EML5: variants seen among roughly 807,000 people sequenced by gnomAD.
EML5 encodes echinoderm microtubule-associated protein-like 5.
Under a neutral mutation model 250.0 loss-of-function variants are expected in EML5, and 120 were observed. The observed-to-expected ratio is 0.48, with a 90% CI of 0.41 to 0.56. EML5 has a LOEUF of 0.56. Among genes scored for constraint, EML5 ranks in the 20% least tolerant of loss-of-function variants. The pLI is 0.00. For synonymous variants in EML5, 771 were observed against 806.5 expected (o/e 0.96, Z 0.75); for missense variants, 2,006 against 2,437.6 (o/e 0.82, Z 3.73).
intron 1 of EML5, among the ~76,000 whole-genome samples, chr14:88,788,927 T>A (rs1215129237): frequency 6.7e-6 from 1 of 150,114 alleles, no homozygotes; most frequent in East Asian, 2.0e-4. Context: ...CCCAGCATCA[T>A]GGCCCACATC....
chr14:88,719,666 A>G (rs2093559223), intron 8 of EML5, among the ~76,000 whole-genome samples: 1 of 151,510 alleles, frequency 6.6e-6, no homozygotes, highest in Non-Finnish European at 1.5e-5. Context: ...TGACTCTATG[A>G]TATGAGCTTT....
intron 19 of EML5, 53 bp downstream of exon 19, chr14:88,687,163 T>A: frequency 7.5e-7 from 1 of 1,342,006 alleles, no homozygotes; most frequent in Non-Finnish European, 1.0e-6. Context: ...CACACATTAA[T>A]GAGCAATTAA....
At chr14:88,743,405 A>G (rs1446680656) in intron 4 of EML5, among the ~76,000 whole-genome samples, 3 of 152,066 alleles carry the variant, frequency 2.0e-5, no homozygotes, top group Non-Finnish European at 4.4e-5. Flanking sequence ...TGTCAAAAAA[A>G]AAATTTAAAG....
chr14:88,738,130 C>G (rs1358013153), intron 6 of EML5, among the ~76,000 whole-genome samples: 2 of 151,936 alleles, frequency 1.3e-5, no homozygotes, highest in Non-Finnish European at 2.9e-5. Context: ...AGCTTTAAAG[C>G]ACAATAATGT....
At chr14:88,627,383 T>C in intron 34 of EML5, 1 of 477,380 alleles carries the variant, frequency 2.1e-6, no homozygotes, top group Non-Finnish European at 3.7e-6. Flanking sequence ...AATAAATACA[T>C]AGTTTCTTGC....
chr14:88,773,101 T>C (rs181133143), intron 1 of EML5, among the ~76,000 whole-genome samples: 234 of 152,368 alleles, frequency 1.5e-3, no homozygotes, highest in Non-Finnish European at 2.5e-3. Context: ...TTTTACTTGA[T>C]CTTTTAACAA....
At chr14:88,658,143 A>G in intron 26 of EML5, 44 bp downstream of exon 26, 2 of 1,591,994 alleles carry the variant, frequency 1.3e-6, no homozygotes, top group Non-Finnish European at 1.7e-6. Context: ...AAGTTGTGCT[A>G]AATTTTCCCT....
intron 21 of EML5, among the ~76,000 whole-genome samples, chr14:88,677,904 C>G (rs1330731357): frequency 6.6e-6 from 1 of 152,104 alleles, no homozygotes; most frequent in Non-Finnish European, 1.5e-5. Context: ...AGACCTAGAA[C>G]CAGAAACACC....
chr14:88,709,648 A>C (rs919118088), intron 10 of EML5, among the ~76,000 whole-genome samples: 2 of 152,222 alleles, frequency 1.3e-5, no homozygotes, highest in African/African-American at 4.8e-5. Flanking sequence ...ACTTTGGAAA[A>C]TATTTAGGTA....
At chr14:88,650,062 T>A (rs111928859) in intron 27 of EML5, 136 bp from the exon 28 acceptor site, 16 of 547,906 alleles carry the variant, frequency 2.9e-5, no homozygotes, top group Middle Eastern at 3.7e-4. Flanking sequence ...GTCTAACTTA[T>A]GTCACATTGG....
At chr14:88,658,489 T>G in intron 25 of EML5, 101 bp from the exon 26 acceptor site, 1 of 938,634 alleles carries the variant, frequency 1.1e-6, no homozygotes, top group Admixed American at 3.0e-5. Flanking sequence ...AATTAATCAT[T>G]TCAAGTGCAA....
At chr14:88,647,471 A>G (rs2091406543) in intron 28 of EML5, among the ~76,000 whole-genome samples, 1 of 151,602 alleles carries the variant, frequency 6.6e-6, no homozygotes, top group Non-Finnish European at 1.5e-5. Context: ...CCAAAGCAAG[A>G]GGATTGCTTG....
At chr14:88,767,133 T>A (rs1048060438) in intron 1 of EML5, among the ~76,000 whole-genome samples, 1 of 152,234 alleles carries the variant, frequency 6.6e-6, no homozygotes, top group Admixed American at 6.5e-5. Context: ...CTGATATTTT[T>A]ATTTATTTCA....
rs935961177 is a variant in EML5, at chr14:88,744,379, A to G, written c.457-288T>C. On this transcript the variant is annotated intron_variant, in intron 3 of 43. Coordinates refer to ENST00000554922, the MANE Select transcript of EML5 (RefSeq NM_183387.3). The stretch of plus-strand genomic sequence containing the variant: ...AAAAATTTGGTCCATAAATAACAAG[A>G]ATGGTTGAACAGAATTAGGACACGA... Among the ~76,000 whole-genome samples, 22 of 152,152 alleles carry G rather than the reference A, an allele frequency of 1.4e-4. No homozygotes were observed. The East Asian group carries it at 2.5e-3, about 17-fold the overall frequency.
intron 21 of EML5, among the ~76,000 whole-genome samples, chr14:88,680,190 AT>A (rs2092687685): frequency 2.6e-5 from 4 of 152,196 alleles, no homozygotes; most frequent in South Asian, 2.1e-4. Context: ...TTTACTTTAA[AT>A]TTTTTTGACT....
At chr14:88,705,912 C>A (rs2093308913) in intron 11 of EML5, 1 of 551,928 alleles carries the variant, frequency 1.8e-6, no homozygotes, top group South Asian at 1.6e-5. Context: ...ATACTATATG[C>A]AACAGATGAA....
chr14:88,698,553 C>G (rs929713459), intron 14 of EML5, among the ~76,000 whole-genome samples: 1 of 152,132 alleles, frequency 6.6e-6, no homozygotes. Flanking sequence ...GCATGAGCCA[C>G]GGCGCCCAGC....
rs1202453051 is a variant in EML5, at chr14:88,613,533, A to G, written c.*2285T>C. 6.6e-6 allele frequency: 1 copy of G among 152,202 alleles called. No individual in the cohort carries two copies. The highest frequency in any genetic ancestry group is 1.5e-5 in the Non-Finnish European group (1 of 68,026). The allele number at this position is 152,202 out of a possible 1,614,324, so 9.4% of individuals were successfully genotyped here. ...GATTGTTTTTTGCTATTTAATAGCC[A>G]CTGCCCAGACACATATTTAAGAGTT... On this transcript the variant is annotated 3_prime_UTR_variant, in exon 44 of 44. Transcript: ENST00000554922.
At chr14:88,634,387 T>A in intron 33 of EML5, 82 bp downstream of exon 33, 1 of 899,564 alleles carries the variant, frequency 1.1e-6, no homozygotes. Context: ...AAGAACGGAC[T>A]AATATACTTG....
Sources: gnomAD v4.1 joint callset for allele counts (sites outside exome capture counted in the v4.1 genomes callset) on GRCh38, gnomAD v4.1.1 for gene constraint, MANE v1.5 for transcripts, NCBI Gene and HGNC (gene_info 2026-07-23, HGNC 2026-07-21) for gene names.